LOC128125817: variants seen among roughly 807,000 people sequenced by gnomAD.
the LOC128125817 span, among the ~76,000 whole-genome samples, chr1:41,618,453 C>T: frequency 6.6e-6 from 1 of 152,226 alleles, no homozygotes; most frequent in South Asian, 2.1e-4. Context: ...TGTTGAGGAG[C>T]TGGTGTGCCC....
At chr1:41,593,617 C>A in the LOC128125817 span, among the ~76,000 whole-genome samples, 1 of 152,262 alleles carries the variant, frequency 6.6e-6, no homozygotes, top group Non-Finnish European at 1.5e-5. Flanking sequence ...GAAATTTACA[C>A]TTCCGCCAAT....
the LOC128125817 span, among the ~76,000 whole-genome samples, chr1:41,623,273 T>C: frequency 2.0e-5 from 3 of 152,180 alleles, no homozygotes; most frequent in Non-Finnish European, 4.4e-5. Context: ...TTCCTACCTG[T>C]CCCGTTTTGC....
chr1:41,591,290 C>T, the LOC128125817 span, among the ~76,000 whole-genome samples: 1 of 151,980 alleles, frequency 6.6e-6, no homozygotes. Context: ...AAGCAGGGCC[C>T]CCACAGAAAC....
At chr1:41,619,610 G>GGATGGT in the LOC128125817 span, among the ~76,000 whole-genome samples, 6 of 152,302 alleles carry the variant, frequency 3.9e-5, no homozygotes, top group African/African-American at 1.4e-4. Context: ...GGATGGATGA[G>GGATGGT]GATGGTGATG....
At chr1:41,606,102 T>C in the LOC128125817 span, among the ~76,000 whole-genome samples, 9 of 152,118 alleles carry the variant, frequency 5.9e-5, no homozygotes, top group Admixed American at 3.3e-4. Flanking sequence ...CACTTGGTTA[T>C]GGTACTGACT....
chr1:41,622,349 C>T, the LOC128125817 span, among the ~76,000 whole-genome samples: 4 of 151,966 alleles, frequency 2.6e-5, no homozygotes, highest in Admixed American at 6.6e-5. Flanking sequence ...GAGCAGCACA[C>T]GCAAAGGATT....
the LOC128125817 span, among the ~76,000 whole-genome samples, chr1:41,627,279 C>G: frequency 6.6e-6 from 1 of 152,200 alleles, no homozygotes; most frequent in African/African-American, 2.4e-5. Flanking sequence ...TCACTACCAG[C>G]CTCATTTTGC....
chr1:41,609,538 G>C, the LOC128125817 span, among the ~76,000 whole-genome samples: 1 of 152,246 alleles, frequency 6.6e-6, no homozygotes, highest in Non-Finnish European at 1.5e-5. Context: ...TCTACACTAA[G>C]TGTACCAGGA....
chr1:41,603,860 C>T, the LOC128125817 span, among the ~76,000 whole-genome samples: 2 of 152,254 alleles, frequency 1.3e-5, no homozygotes, highest in East Asian at 1.9e-4. Flanking sequence ...TAGTGTTGTT[C>T]GAGTCATTTG....
At chr1:41,618,212 G>C in the LOC128125817 span, among the ~76,000 whole-genome samples, 1 of 152,328 alleles carries the variant, frequency 6.6e-6, no homozygotes. Context: ...CCAGAGCCCG[G>C]AGCCACCAGG....
At chr1:41,602,572 A>G in the LOC128125817 span, among the ~76,000 whole-genome samples, 2 of 152,066 alleles carry the variant, frequency 1.3e-5, no homozygotes. Context: ...CTGTGGCATC[A>G]GTTGTGATGT....
At chr1:41,592,680 T>C in the LOC128125817 span, among the ~76,000 whole-genome samples, 1 of 152,238 alleles carries the variant, frequency 6.6e-6, no homozygotes, top group South Asian at 2.1e-4. Flanking sequence ...GGAAGGATCC[T>C]GTGCTGGCCT....
chr1:41,590,207 C>T, the LOC128125817 span, among the ~76,000 whole-genome samples: 1 of 152,216 alleles, frequency 6.6e-6, no homozygotes, highest in Non-Finnish European at 1.5e-5. Flanking sequence ...CAAAGAGTCA[C>T]AGAAGGATGT....
At chr1:41,593,223 T>C in the LOC128125817 span, among the ~76,000 whole-genome samples, 1 of 152,232 alleles carries the variant, frequency 6.6e-6, no homozygotes, top group South Asian at 2.1e-4. Flanking sequence ...TGAATCTCCC[T>C]GTCCCCACAT....
chr1:41,624,134 A>G, the LOC128125817 span, among the ~76,000 whole-genome samples: 1 of 152,096 alleles, frequency 6.6e-6, no homozygotes, highest in East Asian at 1.9e-4. Context: ...CACTCTCCAC[A>G]GCATCACCTC....
chr1:41,598,393 T>C, the LOC128125817 span, among the ~76,000 whole-genome samples: 3 of 152,134 alleles, frequency 2.0e-5, no homozygotes, highest in African/African-American at 7.2e-5. Context: ...GAGCAATACA[T>C]AGAATACACA....
the LOC128125817 span, among the ~76,000 whole-genome samples, chr1:41,599,127 G>A: frequency 6.6e-6 from 1 of 152,238 alleles, no homozygotes; most frequent in South Asian, 2.1e-4. Flanking sequence ...TCAGTCACCT[G>A]ATTTACAAGA....
At chr1:41,623,774 C>CCCT in the LOC128125817 span, among the ~76,000 whole-genome samples, 2 of 152,204 alleles carry the variant, frequency 1.3e-5, no homozygotes, top group Non-Finnish European at 1.5e-5. Context: ...ATGCTCCAGG[C>CCCT]CCTCCTCCTC....
At chr1:41,615,368 C>A in the LOC128125817 span, among the ~76,000 whole-genome samples, 1 of 152,220 alleles carries the variant, frequency 6.6e-6, no homozygotes, top group South Asian at 2.1e-4. Flanking sequence ...GGGGCTGCCC[C>A]CCATCTCCTC....
Sources: allele counts gnomAD v4.1 joint callset (sites outside exome capture counted in the v4.1 genomes callset), GRCh38; gene constraint gnomAD v4.1.1; transcripts MANE v1.5.